KCNH5: variants seen among roughly 807,000 people sequenced by gnomAD.
KCNH5 encodes the protein potassium voltage-gated channel subfamily H member 5, also known as voltage-gated delayed rectifier potassium channel KCNH5.
A neutral mutation model predicts 96.1 loss-of-function variants in KCNH5; 46 were observed. That is an observed-to-expected ratio of 0.48 (90% CI 0.38 to 0.61). The LOEUF is 0.61. Ranked by LOEUF, KCNH5 falls within the 20% of genes least tolerant of loss-of-function variation. KCNH5 has a pLI of 0.00. For synonymous variants in KCNH5, 439 were observed against 449.8 expected, an observed-to-expected ratio of 0.98 and a Z score of 0.30; for missense variants, 907 against 1,225.8, an observed-to-expected ratio of 0.74 and a Z score of 3.88.
intron 4 of KCNH5, among the ~76,000 whole-genome samples, chr14:62,994,179 T>A (rs1430028021): frequency 2.6e-5 from 4 of 152,066 alleles, no homozygotes; most frequent in African/African-American, 9.7e-5. Flanking sequence ...ATAGTATAAT[T>A]ACTCATATTT....
At chr14:62,950,956 A>C (rs1386333517) in intron 6 of KCNH5, among the ~76,000 whole-genome samples, 1 of 152,116 alleles carries the variant, frequency 6.6e-6, no homozygotes, top group African/African-American at 2.4e-5. Flanking sequence ...CTTTCCCTCT[A>C]CTCTAAAAGG....
chr14:62,931,364 G>A (rs117905266), intron 7 of KCNH5, among the ~76,000 whole-genome samples: 4 of 152,086 alleles, frequency 2.6e-5, no homozygotes, highest in Non-Finnish European at 4.4e-5. Context: ...TGAACCAGCA[G>A]AACTAACAGA....
intron 7 of KCNH5, among the ~76,000 whole-genome samples, chr14:62,851,047 T>C (rs117557859): frequency 0.027 from 4,178 of 152,296 alleles, 86 homozygotes; most frequent in Non-Finnish European, 0.038. Flanking sequence ...AATATACTGC[T>C]TTTAGAAAAT....
At chr14:63,015,297 G>A (rs779520238) in intron 2 of KCNH5, among the ~76,000 whole-genome samples, 3 of 151,864 alleles carry the variant, frequency 2.0e-5, no homozygotes, top group South Asian at 2.1e-4. Flanking sequence ...GTTTAAGCGG[G>A]GTAGGAATCT....
intron 8 of KCNH5, among the ~76,000 whole-genome samples, chr14:62,835,258 C>T (rs1887442281): frequency 6.6e-6 from 1 of 151,908 alleles, no homozygotes; most frequent in African/African-American, 2.4e-5. Context: ...ATGGGTTTTA[C>T]TGTCTTCTTT....
intron 6 of KCNH5, among the ~76,000 whole-genome samples, chr14:62,965,226 A>G (rs1451998989): frequency 3.3e-5 from 5 of 151,996 alleles, no homozygotes; most frequent in Non-Finnish European, 7.4e-5. Flanking sequence ...TCAAGTTGAG[A>G]TTTGATCCCC....
intron 7 of KCNH5, among the ~76,000 whole-genome samples, chr14:62,887,490 T>G (rs1888620705): frequency 1.3e-5 from 2 of 152,250 alleles, no homozygotes; most frequent in South Asian, 4.1e-4. Flanking sequence ...AAAAATCATT[T>G]GTGTATATTT....
At position 62,833,447 on chromosome 14, in the gene KCNH5, G is replaced by A. The variant is rs748588565; in HGVS notation, c.1569+16206C>T. Among the ~76,000 whole-genome samples the A allele has an allele frequency of 1.2e-4, 19 of 152,078 alleles. No individual in the cohort carries two copies. In the East Asian group the frequency reaches 1.3e-3, roughly 11 times the overall value. On this transcript the variant is annotated intron_variant, in intron 8 of 10. Transcript: ENST00000322893. ...AGCTTTTGTCAACGATTAGTTGACC[G>A]TATGTGCATGGGTTTATTTATGGTC...
chr14:62,785,704 A>G (rs1471835036), intron 9 of KCNH5, among the ~76,000 whole-genome samples: 27 of 152,370 alleles, frequency 1.8e-4, no homozygotes, highest in Non-Finnish European at 4.4e-5. Context: ...TTAAAGACTC[A>G]TATAGTAGGA....
chr14:62,921,538 A>G (rs1418175912), intron 7 of KCNH5, among the ~76,000 whole-genome samples: 1 of 152,144 alleles, frequency 6.6e-6, no homozygotes, highest in Non-Finnish European at 1.5e-5. Context: ...GCCTGGTTTT[A>G]TCAAATTATG....
At chr14:62,924,019 A>G (rs1889426473) in intron 7 of KCNH5, among the ~76,000 whole-genome samples, 1 of 152,060 alleles carries the variant, frequency 6.6e-6, no homozygotes, top group Non-Finnish European at 1.5e-5. Context: ...AACAATTATC[A>G]AAATGAAAAG....
Position 63,016,817 on chromosome 14 carries a change from A to T in KCNH5, c.197+14T>A, listed in dbSNP as rs775038161. 1 of 1,602,302 alleles carries T rather than the reference A, an allele frequency of 6.2e-7. No homozygotes were observed. The highest frequency in any genetic ancestry group is 8.5e-7 in the Non-Finnish European group (1 of 1,175,822). ...AAATTTCAGAAAAGATTACTTAGCTATTCTGTTACCTACCTGCAAGTGCTG... is the reference window on the plus strand; with the variant it reads ...AAATTTCAGAAAAGATTACTTAGCTTTTCTGTTACCTACCTGCAAGTGCTG... On this transcript the variant is annotated intron_variant, in intron 2 of 10. Transcript: ENST00000322893.
chr14:62,799,353 G>C (rs548716155), intron 9 of KCNH5, among the ~76,000 whole-genome samples: 1 of 151,898 alleles, frequency 6.6e-6, no homozygotes, highest in East Asian at 1.9e-4. Flanking sequence ...GAGGCGGGTG[G>C]ATCACCTGAG....
chr14:62,801,733 T>A (rs1458902657), intron 9 of KCNH5, among the ~76,000 whole-genome samples: 1 of 152,086 alleles, frequency 6.6e-6, no homozygotes, highest in African/African-American at 2.4e-5. Context: ...GAACCAGCTT[T>A]ATAAACCTAA....
At chr14:62,747,706 A>G (rs1215023726) in intron 10 of KCNH5, among the ~76,000 whole-genome samples, 7 of 152,224 alleles carry the variant, frequency 4.6e-5, no homozygotes, top group Non-Finnish European at 1.0e-4. Context: ...TTCATGAACT[A>G]AAAGTGCCAA....
chr14:62,855,073 C>T (rs1005769435), intron 7 of KCNH5, among the ~76,000 whole-genome samples: 1 of 151,852 alleles, frequency 6.6e-6, no homozygotes, highest in Non-Finnish European at 1.5e-5. Flanking sequence ...TATTGAAACA[C>T]CTGCTCTTGG....
At chr14:63,024,900 C>CT (rs1285467659) in intron 1 of KCNH5, among the ~76,000 whole-genome samples, 6 of 152,200 alleles carry the variant, frequency 3.9e-5, no homozygotes, top group African/African-American at 1.2e-4. Context: ...AGGAGGCCAG[C>CT]ATTACCCTGA....
intron 9 of KCNH5, among the ~76,000 whole-genome samples, chr14:62,796,126 G>A (rs1886536025): frequency 6.6e-6 from 1 of 152,084 alleles, no homozygotes; most frequent in Non-Finnish European, 1.5e-5. Flanking sequence ...TTATCCTCAA[G>A]ATACTGGAAA....
intron 3 of KCNH5, among the ~76,000 whole-genome samples, chr14:63,004,567 T>G (rs1165196418): frequency 2.0e-5 from 3 of 152,240 alleles, no homozygotes; most frequent in African/African-American, 7.2e-5. Flanking sequence ...ATTACTAAGA[T>G]GATTTAAAGT....
Sources: gnomAD v4.1 joint callset for allele counts (sites outside exome capture counted in the v4.1 genomes callset) on GRCh38, gnomAD v4.1.1 for gene constraint, MANE v1.5 for transcripts, NCBI Gene and HGNC (gene_info 2026-07-23, HGNC 2026-07-21) for gene names.